The following MYT1L variants were observed in gnomAD, a reference collection of about 807,000 sequenced individuals.
The protein encoded by MYT1L is myelin transcription factor 1 like.
Under a neutral mutation model 126.7 loss-of-function variants are expected in MYT1L, and 12 were observed. That is an observed-to-expected ratio of 0.09 (90% CI 0.06 to 0.15). The LOEUF (loss-of-function observed/expected upper bound fraction) is 0.15, where lower values mean the gene tolerates loss of function less well. MYT1L is among the 10% of genes least tolerant of loss of function. The pLI, the probability that MYT1L is intolerant of heterozygous loss-of-function variation, is 1.00. For missense variants in MYT1L, 979 were observed against 1,585.2 expected (o/e 0.62, Z 6.49); for synonymous variants, 541 against 604.2 (o/e 0.90, Z 1.53).
chr2:2,254,358 A>G (rs2094748923), intron 2 of MYT1L, among the ~76,000 whole-genome samples: 1 of 152,190 alleles, frequency 6.6e-6, no homozygotes, highest in Non-Finnish European at 1.5e-5. Flanking sequence ...TGGGAGGGGA[A>G]CAACTCATTC....
intron 18 of MYT1L, among the ~76,000 whole-genome samples, chr2:1,873,940 G>A (rs2046554332): frequency 6.6e-6 from 1 of 152,150 alleles, no homozygotes; most frequent in Non-Finnish European, 1.5e-5. Flanking sequence ...GGGGTGGAGA[G>A]GGATGGTCAA....
intron 1 of MYT1L, among the ~76,000 whole-genome samples, chr2:2,295,992 T>C (rs1469349298): frequency 6.6e-6 from 1 of 151,104 alleles, no homozygotes; most frequent in Non-Finnish European, 1.5e-5. Context: ...GAGAGAGAGA[T>C]TCCAAAGGCT....
intron 3 of MYT1L, among the ~76,000 whole-genome samples, chr2:2,060,497 CA>C (rs1389483852): frequency 6.6e-6 from 1 of 152,084 alleles, no homozygotes; most frequent in African/African-American, 2.4e-5. Flanking sequence ...GTTATTTAGA[CA>C]GATTATATAT....
At chr2:2,053,841 T>C (rs909111626) in intron 4 of MYT1L, 137 bp downstream of exon 4, 13 of 152,676 alleles carry the variant, frequency 8.5e-5, no homozygotes, top group Non-Finnish European at 1.0e-4. Context: ...GGTGTTGTAT[T>C]CTTTATCAAA....
At position 2,233,050 on chromosome 2, in the gene MYT1L, A is replaced by C. The variant is rs369672228; in HGVS notation, c.-421+51354T>G. Among the ~76,000 whole-genome samples, 61 of 152,336 alleles carry C rather than the reference A, an allele frequency of 4.0e-4. 1 individual carries two copies. The Middle Eastern group carries it at 0.01, about 25-fold the overall frequency. On this transcript the variant is annotated intron_variant, in intron 2 of 24. Coordinates refer to ENST00000647738, the MANE Select transcript of MYT1L (RefSeq NM_001303052.2). ...GCCCCTGACTCAGGGCCCAGCCTGC[A>C]TTAAGCACTCCTCAACATCACATAG...
chr2:2,249,703 C>T (rs752713652), intron 2 of MYT1L, among the ~76,000 whole-genome samples: 43 of 152,034 alleles, frequency 2.8e-4, no homozygotes, highest in Admixed American at 5.9e-4. Flanking sequence ...AAAGCTTCTT[C>T]ACAGCAAAGG....
intron 2 of MYT1L, among the ~76,000 whole-genome samples, chr2:2,189,182 T>C (rs761513227): frequency 6.6e-6 from 1 of 152,228 alleles, no homozygotes; most frequent in African/African-American, 2.4e-5. Flanking sequence ...TTCCAAAACC[T>C]GAACTCCTGG....
chr2:2,207,376 T>C (rs571635253), intron 2 of MYT1L, among the ~76,000 whole-genome samples: 14 of 152,314 alleles, frequency 9.2e-5, no homozygotes, highest in African/African-American at 2.4e-5. Context: ...TTCCCCATCA[T>C]TGTCCTTTGT....
chr2:2,308,627 G>T (rs1295079867), intron 1 of MYT1L, among the ~76,000 whole-genome samples: 2 of 149,276 alleles, frequency 1.3e-5, no homozygotes, highest in South Asian at 2.1e-4. Context: ...TTATACTTCC[G>T]TATAACCTAC....
At chr2:1,879,411 G>A (rs2047284094) in intron 18 of MYT1L, among the ~76,000 whole-genome samples, 1 of 152,058 alleles carries the variant, frequency 6.6e-6, no homozygotes, top group Admixed American at 6.6e-5. Flanking sequence ...CCTTCTTGCT[G>A]CCCAGAGTCA....
intron 21 of MYT1L, among the ~76,000 whole-genome samples, chr2:1,831,856 A>AC (rs1191633593): frequency 6.6e-6 from 1 of 151,952 alleles, no homozygotes; most frequent in African/African-American, 2.4e-5. Flanking sequence ...TTCCCCCTGG[A>AC]CCCCTGAGTC....
At chr2:2,203,958 A>G (rs570304936) in intron 2 of MYT1L, among the ~76,000 whole-genome samples, 23 of 152,204 alleles carry the variant, frequency 1.5e-4, no homozygotes, top group Non-Finnish European at 3.1e-4. Context: ...ATAATGACAC[A>G]TATCTACAAC....
intron 2 of MYT1L, among the ~76,000 whole-genome samples, chr2:2,282,705 T>C (rs543810300): frequency 3.2e-4 from 49 of 152,334 alleles, no homozygotes; most frequent in African/African-American, 1.1e-3. Flanking sequence ...CAATAGAGAA[T>C]TGATGAAGTA....
intron 3 of MYT1L, among the ~76,000 whole-genome samples, chr2:2,139,058 C>G (rs1172971397): frequency 6.6e-6 from 1 of 151,744 alleles, no homozygotes; most frequent in Non-Finnish European, 1.5e-5. Context: ...TTATAGGACC[C>G]TGTATTAGGT....
At chr2:2,249,637 C>A (rs572347654) in intron 2 of MYT1L, among the ~76,000 whole-genome samples, 1 of 151,934 alleles carries the variant, frequency 6.6e-6, no homozygotes, top group South Asian at 2.1e-4. Flanking sequence ...TGAGTAATAC[C>A]CCACAAACAC....
chr2:2,204,955 CT>C (rs1264207446), intron 2 of MYT1L, among the ~76,000 whole-genome samples: 1 of 151,610 alleles, frequency 6.6e-6, no homozygotes, highest in African/African-American at 2.4e-5. Flanking sequence ...AGTTCATGTC[CT>C]TTGTAGGGAC....
intron 4 of MYT1L, among the ~76,000 whole-genome samples, chr2:2,001,816 C>G (rs1423471599): frequency 6.6e-6 from 1 of 152,152 alleles, no homozygotes; most frequent in African/African-American, 2.4e-5. Context: ...GAAGAAAAGG[C>G]CTCGTTCCAA....
intron 3 of MYT1L, among the ~76,000 whole-genome samples, chr2:2,055,531 ATTAC>A (rs1445018917): frequency 3.3e-5 from 5 of 152,368 alleles, no homozygotes; most frequent in South Asian, 2.1e-4. Context: ...ATTCTGAGCT[ATTAC>A]TTACTAAATT....
chr2:1,793,702 A>G lies in MYT1L; in HGVS notation c.3277-1238T>C, dbSNP rs1244999512. Among the ~76,000 whole-genome samples the G allele has an allele frequency of 6.6e-6, 1 of 152,100 alleles. No individual in the cohort carries two copies. Among genetic ancestry groups the G allele is most frequent in the Non-Finnish European group, 1.5e-5 (1 of 68,000 alleles). On this transcript the variant is annotated intron_variant, in intron 23 of 24. Transcript: ENST00000647738. The surrounding 1 kb of genome is among the most constrained non-coding windows in gnomAD (Gnocchi z 4.6). ...CTCCTTGGAAGGAATCGCAGCCCCC[A>G]CCATTCCTGCAGGGACGGTCCCCTG...
Sources: allele counts gnomAD v4.1 joint callset (sites outside exome capture counted in the v4.1 genomes callset), GRCh38; gene constraint gnomAD v4.1.1; non-coding constraint Gnocchi (gnomAD v3.1); transcripts MANE v1.5; gene names NCBI Gene and HGNC (gene_info 2026-07-23, HGNC 2026-07-21).